The following SEMA5A variants were observed in gnomAD, a reference collection of about 807,000 sequenced individuals.
SEMA5A encodes semaphorin-5A.
Under a neutral mutation model 135.5 loss-of-function variants are expected in SEMA5A, and 55 were observed. The observed-to-expected ratio is 0.41, with a 90% confidence interval of 0.33 to 0.51. SEMA5A has a LOEUF of 0.51. Among genes scored for constraint, SEMA5A ranks in the 20% least tolerant of loss-of-function variants. The pLI is 0.37. For missense variants in SEMA5A, 1,290 were observed against 1,419.9 expected (o/e 0.91, Z 1.47); for synonymous variants, 580 against 546.5 (o/e 1.06, Z -0.85).
rs1758089172 is a variant in SEMA5A at position 9,437,863 on chromosome 5, G to C, written c.-174-11C>G. 1 of 152,372 alleles carries C rather than the reference G, an allele frequency of 6.6e-6. No homozygotes were observed. The highest frequency in any genetic ancestry group is 1.5e-5 in the Non-Finnish European group (1 of 68,042). 9.4% of individuals were successfully genotyped at this position (152,372 alleles called of 1,614,324 possible). ...TCTCACACACCAACACTTCAAAAAA[G>C]AAAATAGAGAGATCCTGTCAACCCA... On this transcript the variant is annotated splice_polypyrimidine_tract_variant and intron_variant, in intron 1 of 22. Transcript: ENST00000382496.
intron 1 of SEMA5A, among the ~76,000 whole-genome samples, chr5:9,507,453 T>C (rs1735956173): frequency 6.6e-6 from 1 of 152,204 alleles, no homozygotes; most frequent in African/African-American, 2.4e-5. Flanking sequence ...GACTCTCTTG[T>C]CATATATGCT....
intron 16 of SEMA5A, among the ~76,000 whole-genome samples, chr5:9,107,567 C>T (rs1297474270): frequency 6.6e-6 from 1 of 152,132 alleles, no homozygotes; most frequent in Admixed American, 6.5e-5. Flanking sequence ...AGGCTGAAGG[C>T]TTTGTGACTC....
intron 22 of SEMA5A, among the ~76,000 whole-genome samples, chr5:9,044,084 A>G (rs1397129116): frequency 6.6e-6 from 1 of 152,100 alleles, no homozygotes; most frequent in African/African-American, 2.4e-5. Flanking sequence ...TGGCTTGTGG[A>G]TCTTGGTTTA....
At chr5:9,237,422 C>T (rs765896705) in intron 6 of SEMA5A, among the ~76,000 whole-genome samples, 9 of 152,132 alleles carry the variant, frequency 5.9e-5, no homozygotes, top group Non-Finnish European at 1.0e-4. Context: ...GATAAAGAAT[C>T]TATCACAAAT....
intron 13 of SEMA5A, among the ~76,000 whole-genome samples, chr5:9,125,486 C>T (rs1741057001): frequency 6.6e-6 from 1 of 152,102 alleles, no homozygotes; most frequent in African/African-American, 2.4e-5. Context: ...TAATGCTCTC[C>T]CTCCCCCTCA....
intron 16 of SEMA5A, among the ~76,000 whole-genome samples, chr5:9,079,505 G>A (rs1216886329): frequency 6.6e-6 from 1 of 151,896 alleles, no homozygotes; most frequent in East Asian, 1.9e-4. Flanking sequence ...AAAAGAGCTA[G>A]AGAAGCAACA....
At chr5:9,490,695 T>C (rs1251090412) in intron 1 of SEMA5A, among the ~76,000 whole-genome samples, 2 of 152,230 alleles carry the variant, frequency 1.3e-5, no homozygotes, top group African/African-American at 4.8e-5. Flanking sequence ...CCTGAGTATG[T>C]GGCCCTCTTC....
At chr5:9,419,043 TC>T (rs1241412882) in intron 2 of SEMA5A, among the ~76,000 whole-genome samples, 6 of 152,220 alleles carry the variant, frequency 3.9e-5, no homozygotes, top group Non-Finnish European at 7.3e-5. Flanking sequence ...TTTGGCTGCA[TC>T]CCAGAGATTT....
intron 2 of SEMA5A, among the ~76,000 whole-genome samples, chr5:9,427,142 C>A (rs927722904): frequency 2.6e-5 from 4 of 152,064 alleles, no homozygotes; most frequent in Admixed American, 6.6e-5. Flanking sequence ...GAAAACCCAG[C>A]TCTACTAAAA....
intron 5 of SEMA5A, among the ~76,000 whole-genome samples, chr5:9,248,641 G>C (rs1221418981): frequency 6.6e-6 from 1 of 152,114 alleles, no homozygotes; most frequent in East Asian, 1.9e-4. Context: ...TATTCAGGGA[G>C]CATCTCAACA....
rs145189828 is a variant in SEMA5A, at chr5:9,102,471, T to C, written c.2073+5669A>G. Among the ~76,000 whole-genome samples the C allele has an allele frequency of 1.3e-3, 200 of 152,260 alleles. 4 individuals are homozygous for C. Among genetic ancestry groups the C allele is most frequent in the African/African-American group, 4.2e-3 (174 of 41,564 alleles). Reference sequence around the variant, plus strand: ...AATAGGAAACTTACAGATAAAATTGTCCCAGAAATCAAAATTCTATTAGAG... The same window carrying C: ...AATAGGAAACTTACAGATAAAATTGCCCCAGAAATCAAAATTCTATTAGAG... On this transcript the variant is annotated intron_variant, in intron 16 of 22. Coordinates refer to ENST00000382496, the MANE Select transcript of SEMA5A (RefSeq NM_003966.3).
At chr5:9,066,368 G>T in intron 17 of SEMA5A, 53 bp downstream of exon 17, 1 of 1,550,474 alleles carries the variant, frequency 6.4e-7, no homozygotes, top group Non-Finnish European at 8.9e-7. Context: ...TTAGAGAAAA[G>T]ATCAAAGGCC....
intron 12 of SEMA5A, among the ~76,000 whole-genome samples, chr5:9,141,300 T>C (rs1742052730): frequency 6.6e-6 from 1 of 152,234 alleles, no homozygotes; most frequent in South Asian, 2.1e-4. Flanking sequence ...TGTATTCCAC[T>C]TTGAAAATGT....
chr5:9,198,288 TA>T (rs1357246323), intron 9 of SEMA5A, among the ~76,000 whole-genome samples: 1 of 152,222 alleles, frequency 6.6e-6, no homozygotes, highest in Non-Finnish European at 1.5e-5. Flanking sequence ...CCAAGGACTT[TA>T]CTAATTCCCA....
chr5:9,280,111 C>T (rs867292774), intron 5 of SEMA5A, among the ~76,000 whole-genome samples: 1 of 152,198 alleles, frequency 6.6e-6, no homozygotes. Flanking sequence ...GAATTCCATC[C>T]TAGGAGTAGG....
At chr5:9,305,877 A>T (rs1751846444) in intron 5 of SEMA5A, among the ~76,000 whole-genome samples, 1 of 152,058 alleles carries the variant, frequency 6.6e-6, no homozygotes, top group Admixed American at 6.6e-5. Context: ...ATCTTCCAGA[A>T]TTGCACTACT....
intron 2 of SEMA5A, among the ~76,000 whole-genome samples, chr5:9,408,672 C>A (rs1756990273): frequency 6.6e-6 from 1 of 152,122 alleles, no homozygotes; most frequent in Non-Finnish European, 1.5e-5. Flanking sequence ...TTATTATCCT[C>A]ATTTTTCATA....
intron 5 of SEMA5A, among the ~76,000 whole-genome samples, chr5:9,288,878 CA>C (rs543948993): frequency 2.6e-5 from 4 of 151,564 alleles, no homozygotes; most frequent in South Asian, 4.2e-4. Flanking sequence ...TGAGGACACA[CA>C]AAAAAAAGGA....
chr5:9,185,213 C>A (rs1579563842), intron 11 of SEMA5A, among the ~76,000 whole-genome samples: 1 of 152,190 alleles, frequency 6.6e-6, no homozygotes, highest in East Asian at 1.9e-4. Context: ...CAGGTGTGAG[C>A]CACTGTGCCC....
Sources: allele counts gnomAD v4.1 joint callset (sites outside exome capture counted in the v4.1 genomes callset), GRCh38; gene constraint gnomAD v4.1.1; transcripts MANE v1.5; gene names NCBI Gene and HGNC (gene_info 2026-07-23, HGNC 2026-07-21).